Variants in ZHX3 observed in about 807,000 individuals in gnomAD.
The protein encoded by ZHX3 is zinc fingers and homeoboxes 3.
In ZHX3, 20 loss-of-function variants were observed where a neutral mutation model predicts 64.5. That is an observed-to-expected ratio of 0.31 (90% CI 0.22 to 0.45). ZHX3 has a LOEUF of 0.45. Among genes scored for constraint, ZHX3 ranks in the 20% least tolerant of loss-of-function variants. The probability of loss-of-function intolerance (pLI) is 1.00; values close to 1 mark genes in which losing one functional copy is unlikely to be tolerated. For synonymous variants in ZHX3, 423 were observed against 461.6 expected, an observed-to-expected ratio of 0.92 and a Z score of 1.07; for missense variants, 1,041 against 1,195.8, an observed-to-expected ratio of 0.87 and a Z score of 1.91.
At chr20:41,255,680 G>A (rs968445896) in intron 2 of ZHX3, among the ~76,000 whole-genome samples, 1 of 152,206 alleles carries the variant, frequency 6.6e-6, no homozygotes, top group Non-Finnish European at 1.5e-5. Context: ...AAGGGCCAGG[G>A]AAGAGGCTAC....
At chr20:41,199,845 C>G (rs1165206785) in intron 3 of ZHX3, among the ~76,000 whole-genome samples, 1 of 152,028 alleles carries the variant, frequency 6.6e-6, no homozygotes, top group Non-Finnish European at 1.5e-5. Flanking sequence ...GGATTACAGG[C>G]ACTCACCAAC....
chr20:41,264,234 C>A (rs1315309048), intron 2 of ZHX3, among the ~76,000 whole-genome samples: 1 of 151,420 alleles, frequency 6.6e-6, no homozygotes, highest in African/African-American at 2.4e-5. Context: ...CATGGTGAAA[C>A]CCCATCTCCA....
intron 2 of ZHX3, among the ~76,000 whole-genome samples, chr20:41,210,909 A>C (rs2039114698): frequency 1.3e-5 from 2 of 152,206 alleles, no homozygotes; most frequent in African/African-American, 2.4e-5. Flanking sequence ...GAAAGAAGAA[A>C]GAAGAGGAAA....
intron 1 of ZHX3, among the ~76,000 whole-genome samples, chr20:41,282,270 T>G (rs2043714719): frequency 6.6e-6 from 1 of 151,634 alleles, no homozygotes; most frequent in African/African-American, 2.4e-5. Context: ...TCATCTTCTC[T>G]ACCAAGTAAC....
intron 3 of ZHX3, among the ~76,000 whole-genome samples, chr20:41,191,456 C>T (rs1019644695): frequency 3.3e-5 from 5 of 152,186 alleles, no homozygotes; most frequent in African/African-American, 1.2e-4. Flanking sequence ...TCTCATTGAG[C>T]TTCCTTACAC....
chr20:41,220,005 TG>T (rs2039825354), intron 2 of ZHX3, among the ~76,000 whole-genome samples: 5 of 152,240 alleles, frequency 3.3e-5, no homozygotes, highest in Admixed American at 1.3e-4. Flanking sequence ...CTGAGGTTTT[TG>T]GAGTAGCTTG....
chr20:41,309,484 T>C (rs1040675692), intron 1 of ZHX3, among the ~76,000 whole-genome samples: 3 of 152,220 alleles, frequency 2.0e-5, no homozygotes, highest in Non-Finnish European at 2.9e-5. Flanking sequence ...CATCCTCATA[T>C]GATTTTCATG....
At chr20:41,191,617 A>G (rs2037026512) in intron 3 of ZHX3, among the ~76,000 whole-genome samples, 2 of 152,154 alleles carry the variant, frequency 1.3e-5, no homozygotes, top group Non-Finnish European at 2.9e-5. Flanking sequence ...ATCTGGTGTA[A>G]CAGTTGTTTC....
chr20:41,224,138 C>T lies in ZHX3; in HGVS notation c.-150-19072G>A, dbSNP rs1370947866. 6.6e-6 allele frequency among the ~76,000 whole-genome samples: 1 copy of T among 152,168 alleles called. No individual in the cohort carries two copies. Among genetic ancestry groups the T allele is most frequent in the African/African-American group, 2.4e-5 (1 of 41,448 alleles). On this transcript the variant is annotated intron_variant, in intron 2 of 3. Coordinates refer to ENST00000683867, the MANE Select transcript of ZHX3 (RefSeq NM_001384317.1). The surrounding 1 kb of genome is among the most constrained non-coding windows in gnomAD (Gnocchi z 5.2). The stretch of plus-strand genomic sequence containing the variant: ...TGGGACAATATATGCAGTCCAACTT[C>T]TTTCCTAATTAAAAAATCCTGCAGC...
At chr20:41,217,350 T>C (rs1251022470) in intron 2 of ZHX3, among the ~76,000 whole-genome samples, 1 of 152,096 alleles carries the variant, frequency 6.6e-6, no homozygotes, top group Non-Finnish European at 1.5e-5. Flanking sequence ...ATTGTTCAAG[T>C]TGGGTTGGGA....
At chr20:41,229,968 C>T (rs2040497026) in intron 2 of ZHX3, among the ~76,000 whole-genome samples, 1 of 152,034 alleles carries the variant, frequency 6.6e-6, no homozygotes, top group African/African-American at 2.4e-5. Flanking sequence ...CTATTATTTT[C>T]CATTAGATAG....
chr20:41,191,608 T>A (rs180735984), intron 3 of ZHX3, among the ~76,000 whole-genome samples: 32 of 152,362 alleles, frequency 2.1e-4, no homozygotes, highest in African/African-American at 7.0e-4. Context: ...TATCTGCACA[T>A]CTGGTGTAAC....
At chr20:41,276,538 T>A (rs2043391127) in intron 1 of ZHX3, among the ~76,000 whole-genome samples, 1 of 152,202 alleles carries the variant, frequency 6.6e-6, no homozygotes, top group African/African-American at 2.4e-5. Flanking sequence ...TTCCCCGAGC[T>A]CTCTCAATGC....
chr20:41,248,869 G>T (rs983150966), intron 2 of ZHX3, among the ~76,000 whole-genome samples: 1 of 152,082 alleles, frequency 6.6e-6, no homozygotes, highest in Non-Finnish European at 1.5e-5. Flanking sequence ...TTTCCCCCCT[G>T]ACAGTGTTTT....
chr20:41,309,730 T>C (rs536117089), intron 1 of ZHX3, among the ~76,000 whole-genome samples: 1 of 152,274 alleles, frequency 6.6e-6, no homozygotes, highest in Non-Finnish European at 1.5e-5. Context: ...CCCACCCCAT[T>C]TGCTGAAGAT....
intron 1 of ZHX3, among the ~76,000 whole-genome samples, chr20:41,310,747 G>A (rs1468939578): frequency 1.4e-5 from 2 of 146,372 alleles, no homozygotes; most frequent in South Asian, 2.1e-4. Context: ...CCAAACATAC[G>A]TTGTCATACA....
chr20:41,260,766 A>C (rs2042523182), intron 2 of ZHX3, among the ~76,000 whole-genome samples: 1 of 152,226 alleles, frequency 6.6e-6, no homozygotes, highest in African/African-American at 2.4e-5. Context: ...TTTAACCTTC[A>C]CAACAACCCT....
chr20:41,201,032 A>G lies in ZHX3; in HGVS notation c.2860+1025T>C, dbSNP rs779976171. 6.6e-6 allele frequency among the ~76,000 whole-genome samples: 1 copy of G among 152,220 alleles called. No homozygotes were observed. The highest frequency in any genetic ancestry group is 1.5e-5 in the Non-Finnish European group (1 of 68,042). On this transcript the variant is annotated intron_variant, in intron 3 of 3. Transcript: ENST00000683867. This position sits in a 1 kb window ranked among gnomAD's most constrained non-coding sequence, Gnocchi z 5.0. ...TTGGCTATTGTATGGAAACAATGCA[A>G]CACCATCCAGGAAATTCTGTGGGAT...
intron 3 of ZHX3, among the ~76,000 whole-genome samples, chr20:41,186,664 GGTGT>G (rs1187107275): frequency 6.6e-6 from 1 of 150,410 alleles, no homozygotes; most frequent in East Asian, 1.9e-4. Flanking sequence ...GTTTTCTCTG[GGTGT>G]GTGTTTGTAA....
Sources: allele counts gnomAD v4.1 joint callset (sites outside exome capture counted in the v4.1 genomes callset), GRCh38; gene constraint gnomAD v4.1.1; non-coding constraint Gnocchi (gnomAD v3.1); transcripts MANE v1.5; gene names NCBI Gene and HGNC (gene_info 2026-07-23, HGNC 2026-07-21).